Variants in GRID1 observed in about 807,000 individuals in gnomAD.
The protein encoded by GRID1 is glutamate receptor ionotropic, delta-1.
In GRID1, 28 loss-of-function variants were observed where a neutral mutation model predicts 98.0. That is an observed-to-expected ratio of 0.29 (90% CI 0.21 to 0.39). GRID1 has a LOEUF of 0.39. GRID1 is among the 10% of genes least tolerant of loss of function. The pLI, the probability that GRID1 is intolerant of heterozygous loss-of-function variation, is 1.00. For missense variants in GRID1, 1,111 were observed against 1,340.5 expected (o/e 0.83, Z 2.67); for synonymous variants, 553 against 538.5 (o/e 1.03, Z -0.37).
At chr10:85,632,268 T>C (rs1842984635) in intron 13 of GRID1, among the ~76,000 whole-genome samples, 1 of 152,096 alleles carries the variant, frequency 6.6e-6, no homozygotes, top group Non-Finnish European at 1.5e-5. Flanking sequence ...ACAGACAGCA[T>C]CAATGGGCAC....
At chr10:86,287,389 C>T (rs769950591) in intron 2 of GRID1, among the ~76,000 whole-genome samples, 6 of 152,304 alleles carry the variant, frequency 3.9e-5, no homozygotes, top group Middle Eastern at 6.8e-3. Context: ...ATTCCTGGTC[C>T]CAGTAACGCA....
rs568918091 is a variant in GRID1 at position 86,061,049 on chromosome 10, G to A, written c.726+77770C>T. Among the ~76,000 whole-genome samples, 3 of 152,120 alleles carry A rather than the reference G, an allele frequency of 2.0e-5. No homozygotes were observed. In the South Asian group the frequency reaches 6.2e-4, roughly 32 times the overall value. ...CCTTCTAGTGGTCTCTCTCACCTTG[G>A]CCCCCATGGCACTGGCCCTTCCTGG... On this transcript the variant is annotated intron_variant, in intron 4 of 15. Coordinates refer to ENST00000327946, the MANE Select transcript of GRID1 (RefSeq NM_017551.3).
intron 12 of GRID1, among the ~76,000 whole-genome samples, chr10:85,707,848 C>A (rs564170308): frequency 6.6e-6 from 1 of 151,864 alleles, no homozygotes; most frequent in African/African-American, 2.4e-5. Flanking sequence ...TCATTCTCAG[C>A]AAACTGTTGC....
chr10:86,116,895 A>G (rs954058466), intron 4 of GRID1, among the ~76,000 whole-genome samples: 2 of 152,144 alleles, frequency 1.3e-5, no homozygotes, highest in Non-Finnish European at 2.9e-5. Context: ...AGGTGGCCCA[A>G]AGAATGATTC....
Position 86,101,716 on chromosome 10 carries a change from T to C in GRID1, c.726+37103A>G, listed in dbSNP as rs949805831. The stretch of plus-strand genomic sequence containing the variant: ...GCAGTGTGGTGCAATCATAGCTCAC[T>C]GCAGCCTCAATCTCCTTGGCTCAAG... On this transcript the variant is annotated intron_variant, in intron 4 of 15. Coordinates refer to ENST00000327946, the MANE Select transcript of GRID1 (RefSeq NM_017551.3). Among the ~76,000 whole-genome samples the C allele has an allele frequency of 2.0e-5, 3 of 151,410 alleles. No homozygotes were observed. In the East Asian group the frequency reaches 5.8e-4, roughly 29 times the overall value.
intron 3 of GRID1, among the ~76,000 whole-genome samples, chr10:86,177,917 C>T (rs1003107859): frequency 3.9e-5 from 6 of 152,168 alleles, no homozygotes; most frequent in East Asian, 1.9e-4. Flanking sequence ...GTAAAAGAGA[C>T]GGAGAGACAG....
intron 4 of GRID1, among the ~76,000 whole-genome samples, chr10:86,103,394 C>G (rs1844328391): frequency 6.6e-6 from 1 of 152,156 alleles, no homozygotes; most frequent in African/African-American, 2.4e-5. Context: ...CCCTGTGAGC[C>G]TGTGATGAGG....
At chr10:86,056,205 ATGGAATTCCAAGGC>A (rs1843570110) in intron 4 of GRID1, among the ~76,000 whole-genome samples, 1 of 152,214 alleles carries the variant, frequency 6.6e-6, no homozygotes, top group Non-Finnish European at 1.5e-5. Context: ...TTCTAGGCAC[ATGGAATTCCAAGGC>A]TGGAAACAGA....
At chr10:86,320,238 G>T (rs544370499) in intron 2 of GRID1, among the ~76,000 whole-genome samples, 1 of 152,336 alleles carries the variant, frequency 6.6e-6, no homozygotes, top group Admixed American at 6.5e-5. Context: ...GAGTCTCCAG[G>T]AAGAATCCTT....
intron 2 of GRID1, among the ~76,000 whole-genome samples, chr10:86,339,707 A>T (rs1010214491): frequency 6.6e-6 from 1 of 152,160 alleles, no homozygotes; most frequent in Admixed American, 6.5e-5. Context: ...GACCAAAGTG[A>T]CCTCAAGAGG....
chr10:85,959,497 C>G (rs192628000), intron 4 of GRID1, among the ~76,000 whole-genome samples: 1 of 152,200 alleles, frequency 6.6e-6, no homozygotes, highest in East Asian at 1.9e-4. Context: ...TTCCATCATC[C>G]AGGAGAGTTC....
chr10:86,339,955 A>G (rs889039760), intron 2 of GRID1, among the ~76,000 whole-genome samples: 15 of 149,416 alleles, frequency 1.0e-4, no homozygotes, highest in African/African-American at 3.6e-4. Context: ...ACGGAGAAAG[A>G]CAGGCAGCAC....
chr10:85,840,458 T>C (rs1280892144), intron 8 of GRID1, among the ~76,000 whole-genome samples: 1 of 152,120 alleles, frequency 6.6e-6, no homozygotes, highest in Non-Finnish European at 1.5e-5. Flanking sequence ...ACCACTTCTA[T>C]TCAACATAGT....
intron 8 of GRID1, among the ~76,000 whole-genome samples, chr10:85,754,424 T>A (rs1004676653): frequency 6.6e-6 from 1 of 151,986 alleles, no homozygotes. Flanking sequence ...AAATCATGAG[T>A]TACATATGAG....
chr10:86,318,092 GA>G (rs1242670678), intron 2 of GRID1, among the ~76,000 whole-genome samples: 1 of 151,936 alleles, frequency 6.6e-6, no homozygotes, highest in Non-Finnish European at 1.5e-5. Flanking sequence ...TCCCCAAGCA[GA>G]AAAAAAGGCC....
intron 8 of GRID1, among the ~76,000 whole-genome samples, chr10:85,784,839 T>A (rs1231462636): frequency 6.6e-6 from 1 of 152,234 alleles, no homozygotes; most frequent in African/African-American, 2.4e-5. Flanking sequence ...AAGGGCTAAC[T>A]ATGGAATAGT....
chr10:86,199,807 T>G (rs1845922999), intron 3 of GRID1, among the ~76,000 whole-genome samples: 1 of 152,108 alleles, frequency 6.6e-6, no homozygotes, highest in African/African-American at 2.4e-5. Context: ...GTTTCTGCCC[T>G]TTTGTTTGCA....
intron 3 of GRID1, among the ~76,000 whole-genome samples, chr10:86,153,180 T>C (rs1487573210): frequency 6.6e-6 from 1 of 152,136 alleles, no homozygotes; most frequent in African/African-American, 2.4e-5. Flanking sequence ...CTCCACCCCA[T>C]GCCTGAGTCT....
chr10:85,941,855 G>A (rs533287014), intron 4 of GRID1, among the ~76,000 whole-genome samples: 36 of 152,288 alleles, frequency 2.4e-4, no homozygotes, highest in African/African-American at 8.2e-4. Flanking sequence ...GTGAGATCAG[G>A]CAAATAAGAA....
Sources: gnomAD v4.1 joint callset for allele counts (sites outside exome capture counted in the v4.1 genomes callset) on GRCh38, gnomAD v4.1.1 for gene constraint, MANE v1.5 for transcripts, NCBI Gene and HGNC (gene_info 2026-07-23, HGNC 2026-07-21) for gene names.